ENOX2: variants seen among roughly 807,000 people sequenced by gnomAD.
ENOX2 encodes APK1 antigen.
ENOX2 carries 36 observed loss-of-function variants against 45.0 expected under a neutral mutation model. The observed-to-expected ratio is 0.80, with a 90% CI of 0.61 to 1.06. ENOX2 has a LOEUF of 1.06. Among genes scored for constraint, ENOX2 ranks in the 50% least tolerant of loss-of-function variants. The pLI, the probability that ENOX2 is intolerant of heterozygous loss-of-function variation, is 0.00. For missense variants in ENOX2, 423 were observed against 462.5 expected, an observed-to-expected ratio of 0.91 and a Z score of 0.78; for synonymous variants, 174 against 152.3, an observed-to-expected ratio of 1.14 and a Z score of -1.05.
chrX:130,860,629 T>C (rs1420444838), intron 2 of ENOX2, among the ~76,000 whole-genome samples: 4 of 111,498 alleles, frequency 3.6e-5, no homozygotes, highest in African/African-American at 1.3e-4. Flanking sequence ...TATTAGCATA[T>C]CCTGTTTGTT....
intron 10 of ENOX2, among the ~76,000 whole-genome samples, chrX:130,649,264 T>C (rs1375764728): frequency 1.9e-5 from 2 of 108,030 alleles, no homozygotes; most frequent in African/African-American, 6.8e-5. Flanking sequence ...TATAAATTAC[T>C]TAGTCTTAGG....
chrX:130,804,808 T>C (rs1158288140), intron 2 of ENOX2, among the ~76,000 whole-genome samples: 1 of 111,896 alleles, frequency 8.9e-6, no homozygotes, highest in South Asian at 3.7e-4. Context: ...GCCATTAATA[T>C]CTCAATTCGC....
At chrX:130,803,340 T>G (rs2077251994) in intron 2 of ENOX2, among the ~76,000 whole-genome samples, 1 of 112,087 alleles carries the variant, frequency 8.9e-6, no homozygotes, top group African/African-American at 3.2e-5. Flanking sequence ...TCTTCCTCAC[T>G]GTAAGTAAAC....
At chrX:130,687,724 T>G (rs2037483668) in intron 5 of ENOX2, among the ~76,000 whole-genome samples, 1 of 112,247 alleles carries the variant, frequency 8.9e-6, no homozygotes, top group African/African-American at 3.2e-5. Flanking sequence ...GGATGTATCT[T>G]GTTGACAACC....
At chrX:130,757,524 G>C (rs1329360038) in intron 3 of ENOX2, among the ~76,000 whole-genome samples, 1 of 111,451 alleles carries the variant, frequency 9.0e-6, no homozygotes, top group African/African-American at 3.3e-5. Flanking sequence ...ATGGGGAAGA[G>C]GTCATCAATT....
At chrX:130,773,129 A>G (rs1281554232) in intron 3 of ENOX2, among the ~76,000 whole-genome samples, 1 of 112,262 alleles carries the variant, frequency 8.9e-6, no homozygotes, top group Non-Finnish European at 1.9e-5. Flanking sequence ...TATGCCTCAC[A>G]CTTATTAAGA....
intron 3 of ENOX2, among the ~76,000 whole-genome samples, chrX:130,781,106 C>T (rs1043645609): frequency 8.9e-6 from 1 of 111,805 alleles, no homozygotes; most frequent in Non-Finnish European, 1.9e-5. Context: ...CACAAGATTG[C>T]TGCTGAACAA....
intron 2 of ENOX2, among the ~76,000 whole-genome samples, chrX:130,843,482 ACTT>A (rs1406693351): frequency 9.0e-6 from 1 of 111,313 alleles, no homozygotes; most frequent in Non-Finnish European, 1.9e-5. Context: ...CTTTCCGGTG[ACTT>A]CTTTATTGTT....
chrX:130,864,771 T>C (rs1201793633), intron 2 of ENOX2, among the ~76,000 whole-genome samples: 1 of 112,255 alleles, frequency 8.9e-6, no homozygotes, highest in Non-Finnish European at 1.9e-5. Context: ...CCCAGCACTT[T>C]GGGAGGCCAA....
At position 130,656,616 on chromosome X, in the gene ENOX2, T is replaced by C; in HGVS notation, c.1094A>G (p.Glu365Gly). The C allele has an allele frequency of 8.6e-7, 1 of 1,166,862 alleles. No individual in the cohort carries two copies. The highest frequency in any genetic ancestry group is 1.2e-6 in the Non-Finnish European group (1 of 857,896). ...AGTTTCTTTTGTTTCTGTCATTTCTTCTATTTCATCATCAGACATTTCCAT... is the reference window on the plus strand; with the variant it reads ...AGTTTCTTTTGTTTCTGTCATTTCTCCTATTTCATCATCAGACATTTCCAT... Reference protein sequence around the residue: ...EEMEMSDDEIEEMTETKETEE... With the variant: ...EEMEMSDDEIGEMTETKETEE... The change falls in exon 10 of 15, where the codon GAA becomes GGA. Residue 365 changes from glutamate to glycine, a missense_variant. Physicochemically the swap from Glu to Gly is moderately conservative, Grantham distance 98. Transcript: ENST00000394363.
chrX:130,703,001 C>T, intron 4 of ENOX2, 119 bp downstream of exon 4: 1 of 770,913 alleles, frequency 1.3e-6, no homozygotes, highest in Non-Finnish European at 1.8e-6. Flanking sequence ...TACAAAAATG[C>T]ACACTCTAGG....
At chrX:130,751,474 C>T (rs1298581460) in intron 3 of ENOX2, among the ~76,000 whole-genome samples, 1 of 111,967 alleles carries the variant, frequency 8.9e-6, no homozygotes, top group Non-Finnish European at 1.9e-5. Flanking sequence ...TTTGTTTCCA[C>T]CTTTTTGGCT....
intron 2 of ENOX2, among the ~76,000 whole-genome samples, chrX:130,814,854 C>T (rs750051065): frequency 7.9e-4 from 88 of 111,723 alleles, no homozygotes; most frequent in African/African-American, 2.7e-3. Flanking sequence ...CAAAGGATCA[C>T]AACTCCTTGC....
chrX:130,675,092 T>A (rs2037107838), intron 6 of ENOX2, among the ~76,000 whole-genome samples: 1 of 108,290 alleles, frequency 9.2e-6, no homozygotes. Flanking sequence ...TGTGCATATG[T>A]CTTTATAGCA....
chrX:130,733,978 T>C (rs1489213204), intron 3 of ENOX2, among the ~76,000 whole-genome samples: 1 of 112,183 alleles, frequency 8.9e-6, no homozygotes. Flanking sequence ...ATTTAATTTT[T>C]AAAAAAGGAA....
rs185200119 is a variant in ENOX2 at position 130,775,430 on chromosome X, T to C, written c.-39+8117A>G. Among the ~76,000 whole-genome samples, 89 of 111,263 alleles carry C rather than the reference T, an allele frequency of 8.0e-4. 2 individuals carry two copies. Among genetic ancestry groups the C allele is most frequent in the African/African-American group, 2.8e-3 (85 of 30,667 alleles). On this transcript the variant is annotated intron_variant, in intron 3 of 14. Coordinates refer to ENST00000394363, the MANE Select transcript of ENOX2 (RefSeq NM_006375.4). ...AAAAATAAAAATAAGTACTTATTCA[T>C]GGCCTATCCTGTGCATTCTGGCTCT...
intron 12 of ENOX2, among the ~76,000 whole-genome samples, chrX:130,631,805 GT>G (rs757104618): frequency 0.01 from 961 of 94,914 alleles, 10 homozygotes; most frequent in East Asian, 0.023. Flanking sequence ...ACCTTCACCA[GT>G]TTTTTTTTTT....
At chrX:130,773,257 A>G (rs993523757) in intron 3 of ENOX2, among the ~76,000 whole-genome samples, 17 of 112,330 alleles carry the variant, frequency 1.5e-4, no homozygotes, top group Non-Finnish European at 3.0e-4. Flanking sequence ...TTTTGTAGGT[A>G]AAGAAACTAG....
intron 2 of ENOX2, among the ~76,000 whole-genome samples, chrX:130,816,423 A>C (rs2077486582): frequency 8.9e-6 from 1 of 111,793 alleles, no homozygotes; most frequent in Non-Finnish European, 1.9e-5. Context: ...CAGCCCTATT[A>C]GACATCTACA....
Sources: gnomAD v4.1 joint callset for allele counts (sites outside exome capture counted in the v4.1 genomes callset) on GRCh38, gnomAD v4.1.1 for gene constraint, MANE v1.5 for transcripts, NCBI Gene and HGNC (gene_info 2026-07-23, HGNC 2026-07-21) for gene names.